Variants in ARHGAP10 observed in about 807,000 individuals in gnomAD.
ARHGAP10 encodes Rho GTPase activating protein 10.
A neutral mutation model predicts 108.6 loss-of-function variants in ARHGAP10; 87 were observed. The observed-to-expected ratio is 0.80, with a 90% CI of 0.67 to 0.96. The LOEUF (loss-of-function observed/expected upper bound fraction) is 0.96. ARHGAP10 is among the 40% of genes least tolerant of loss of function. ARHGAP10 has a pLI of 0.00. For missense variants in ARHGAP10, 939 were observed against 954.5 expected, an observed-to-expected ratio of 0.98 and a Z score of 0.21; for synonymous variants, 347 against 341.1, an observed-to-expected ratio of 1.02 and a Z score of -0.19.
At chr4:148,001,390 A>G (rs530453629) in intron 18 of ARHGAP10, among the ~76,000 whole-genome samples, 58 of 152,242 alleles carry the variant, frequency 3.8e-4, no homozygotes, top group African/African-American at 1.3e-3. Flanking sequence ...TTGTCTTGGC[A>G]ATGCGGGCCC....
At chr4:148,071,921 C>T in intron 22 of ARHGAP10, 72 bp from the exon 23 acceptor site, 2 of 1,361,662 alleles carry the variant, frequency 1.5e-6, no homozygotes, top group South Asian at 2.6e-5. Flanking sequence ...CCTGCTTGAG[C>T]TTTTAAGTGA....
intron 18 of ARHGAP10, among the ~76,000 whole-genome samples, chr4:148,005,472 C>G (rs577118068): frequency 2.0e-5 from 3 of 152,198 alleles, no homozygotes; most frequent in Non-Finnish European, 2.9e-5. Flanking sequence ...TTACAATATT[C>G]TGTATGTATC....
intron 1 of ARHGAP10, among the ~76,000 whole-genome samples, chr4:147,819,795 G>A (rs749161914): frequency 1.3e-5 from 2 of 152,156 alleles, no homozygotes; most frequent in African/African-American, 4.8e-5. Context: ...CTGACCTTAG[G>A]TGATCCGCCC....
chr4:147,787,097 A>G (rs1186780269), intron 1 of ARHGAP10, among the ~76,000 whole-genome samples: 1 of 152,182 alleles, frequency 6.6e-6, no homozygotes, highest in Non-Finnish European at 1.5e-5. Flanking sequence ...TCTTCTCACT[A>G]GTCATATCTC....
At chr4:148,006,360 G>C (rs1740953244) in intron 18 of ARHGAP10, among the ~76,000 whole-genome samples, 1 of 152,234 alleles carries the variant, frequency 6.6e-6, no homozygotes, top group African/African-American at 2.4e-5. Flanking sequence ...GAGGCACCCA[G>C]CTGACAACGA....
chr4:147,759,361 A>C (rs1406830161), intron 1 of ARHGAP10, among the ~76,000 whole-genome samples: 2 of 152,238 alleles, frequency 1.3e-5, no homozygotes, highest in African/African-American at 4.8e-5. Flanking sequence ...ATGAATACAA[A>C]TATAATGCAA....
At chr4:148,027,686 A>C (rs768730997) in intron 19 of ARHGAP10, among the ~76,000 whole-genome samples, 1 of 152,178 alleles carries the variant, frequency 6.6e-6, no homozygotes, top group Non-Finnish European at 1.5e-5. Context: ...TCAAATTAGA[A>C]CTTTGAATAA....
At chr4:148,027,255 T>C (rs1204134773) in intron 19 of ARHGAP10, among the ~76,000 whole-genome samples, 1 of 152,234 alleles carries the variant, frequency 6.6e-6, no homozygotes, top group Non-Finnish European at 1.5e-5. Context: ...CTGTCTTCTT[T>C]TGTAACATGA....
intron 18 of ARHGAP10, among the ~76,000 whole-genome samples, chr4:147,969,684 A>G (rs1160897911): frequency 1.3e-5 from 2 of 152,160 alleles, no homozygotes; most frequent in Non-Finnish European, 2.9e-5. Flanking sequence ...TCTGCTGGGA[A>G]GTAGATAGTG....
intron 19 of ARHGAP10, among the ~76,000 whole-genome samples, chr4:148,034,366 A>G (rs1176063449): frequency 2.0e-5 from 3 of 152,190 alleles, no homozygotes; most frequent in African/African-American, 7.2e-5. Flanking sequence ...TGCCCAGGCT[A>G]GAGTGCGATG....
At chr4:148,049,819 TG>T in intron 20 of ARHGAP10, among the ~76,000 whole-genome samples, 1 of 127,370 alleles carries the variant, frequency 7.9e-6, no homozygotes, top group African/African-American at 3.0e-5. Context: ...TTTGTTTGTT[TG>T]TTTTTTTTGG....
chr4:147,970,162 A>G (rs1739351885), intron 18 of ARHGAP10, among the ~76,000 whole-genome samples: 1 of 152,168 alleles, frequency 6.6e-6, no homozygotes, highest in African/African-American at 2.4e-5. Flanking sequence ...AGGCTCTGCT[A>G]TGAGGAAGAA....
intron 9 of ARHGAP10, among the ~76,000 whole-genome samples, chr4:147,881,364 G>A (rs1337430979): frequency 1.4e-5 from 2 of 147,606 alleles, no homozygotes; most frequent in African/African-American, 2.5e-5. Context: ...ATGGCTGGGC[G>A]CGGTGGCTCA....
intron 3 of ARHGAP10, among the ~76,000 whole-genome samples, chr4:147,840,753 A>G (rs1236249456): frequency 2.0e-5 from 3 of 152,234 alleles, no homozygotes; most frequent in East Asian, 1.9e-4. Flanking sequence ...TGCTTATCCC[A>G]GGCAAATCCT....
At chr4:147,751,203 CAA>C (rs1454754056) in intron 1 of ARHGAP10, among the ~76,000 whole-genome samples, 2 of 151,716 alleles carry the variant, frequency 1.3e-5, no homozygotes, top group Non-Finnish European at 2.9e-5. Context: ...AAAAAACAAA[CAA>C]TGAGTAGATC....
At chr4:147,878,774 CTTTTTTT>C (rs11384854) in intron 8 of ARHGAP10, among the ~76,000 whole-genome samples, 3 of 124,874 alleles carry the variant, frequency 2.4e-5, no homozygotes, top group Non-Finnish European at 4.9e-5. Context: ...CCTTCTTCCT[CTTTTTTT>C]TTTTTTTTTT....
intron 4 of ARHGAP10, among the ~76,000 whole-genome samples, chr4:147,848,591 T>C (rs577495857): frequency 3.1e-4 from 47 of 152,278 alleles, no homozygotes; most frequent in Non-Finnish European, 5.6e-4. Flanking sequence ...TTTTGGTTCA[T>C]TCTCTTTTAA....
intron 13 of ARHGAP10, among the ~76,000 whole-genome samples, chr4:147,935,081 T>C (rs1737871773): frequency 6.6e-6 from 1 of 152,226 alleles, no homozygotes; most frequent in South Asian, 2.1e-4. Flanking sequence ...AGAGCATTCC[T>C]GCTGGGGAGA....
At chr4:147,733,453 A>T (rs1384651260) in intron 1 of ARHGAP10, among the ~76,000 whole-genome samples, 1 of 152,124 alleles carries the variant, frequency 6.6e-6, no homozygotes, top group Non-Finnish European at 1.5e-5. Flanking sequence ...TACAGCAGAC[A>T]GGGACTTGGG....
Sources: allele counts gnomAD v4.1 joint callset (sites outside exome capture counted in the v4.1 genomes callset), GRCh38; gene constraint gnomAD v4.1.1; transcripts MANE v1.5; gene names NCBI Gene and HGNC (gene_info 2026-07-23, HGNC 2026-07-21).